Variants in PIP4K2A observed in about 807,000 individuals in gnomAD.
PIP4K2A encodes the protein phosphatidylinositol 5-phosphate 4-kinase type-2 alpha.
PIP4K2A carries 14 observed loss-of-function variants against 42.9 expected under a neutral mutation model. The ratio of observed to expected loss-of-function variants is 0.33; its 90% CI spans 0.22 to 0.51. PIP4K2A has a LOEUF of 0.51. Among genes scored for constraint, PIP4K2A ranks in the 20% least tolerant of loss-of-function variants. The probability of loss-of-function intolerance (pLI) is 0.97; values close to 1 mark genes in which losing one functional copy is unlikely to be tolerated. For missense variants in PIP4K2A, 434 were observed against 519.8 expected, an observed-to-expected ratio of 0.83 and a Z score of 1.61; for synonymous variants, 192 against 192.2, an observed-to-expected ratio of 1.00 and a Z score of 0.01.
chr10:22,699,147 G>T (rs1268138453), intron 1 of PIP4K2A, among the ~76,000 whole-genome samples: 1 of 152,158 alleles, frequency 6.6e-6, no homozygotes, highest in East Asian at 1.9e-4. Flanking sequence ...GTGCCAAAAA[G>T]AAAGTGCCTT....
At chr10:22,585,135 A>G (rs567773537) in intron 4 of PIP4K2A, among the ~76,000 whole-genome samples, 1 of 152,112 alleles carries the variant, frequency 6.6e-6, no homozygotes, top group Non-Finnish European at 1.5e-5. Context: ...TTTTGTATTT[A>G]GCTTTTATGG....
At chr10:22,684,685 C>T (rs1402324118) in intron 1 of PIP4K2A, among the ~76,000 whole-genome samples, 1 of 152,168 alleles carries the variant, frequency 6.6e-6, no homozygotes, top group Non-Finnish European at 1.5e-5. Context: ...CTATAGGATG[C>T]CACCCACTAA....
intron 1 of PIP4K2A, among the ~76,000 whole-genome samples, chr10:22,664,164 T>TATAC (rs148228205): frequency 4.4e-5 from 3 of 67,514 alleles, no homozygotes; most frequent in East Asian, 2.6e-4. Flanking sequence ...CATATATATA[T>TATAC]ATACATATAT....
intron 1 of PIP4K2A, among the ~76,000 whole-genome samples, chr10:22,698,331 A>G (rs1840010399): frequency 1.3e-5 from 2 of 152,242 alleles, no homozygotes; most frequent in South Asian, 4.1e-4. Context: ...GATGTGGGAA[A>G]GCAGCTCTTA....
At chr10:22,639,300 C>T (rs895083110) in intron 1 of PIP4K2A, among the ~76,000 whole-genome samples, 3 of 150,804 alleles carry the variant, frequency 2.0e-5, no homozygotes, top group African/African-American at 7.3e-5. Context: ...CTCAGAGAAA[C>T]ACCAGCTGAG....
intron 1 of PIP4K2A, among the ~76,000 whole-genome samples, chr10:22,633,138 C>T (rs550361841): frequency 2.6e-5 from 4 of 152,334 alleles, no homozygotes; most frequent in East Asian, 1.9e-4. Flanking sequence ...AGTGATGGCT[C>T]AAGGTCACAG....
At chr10:22,552,771 C>A (rs777127504) in intron 6 of PIP4K2A, among the ~76,000 whole-genome samples, 33 of 152,240 alleles carry the variant, frequency 2.2e-4, no homozygotes, top group Non-Finnish European at 3.7e-4. Flanking sequence ...TTGGGCATTT[C>A]TGTGTCATTA....
intron 3 of PIP4K2A, among the ~76,000 whole-genome samples, chr10:22,596,337 A>G (rs1240208683): frequency 6.6e-6 from 1 of 152,184 alleles, no homozygotes; most frequent in African/African-American, 2.4e-5. Context: ...AGAAGACAGT[A>G]CAACCATCAT....
chr10:22,693,435 C>T (rs1193359619), intron 1 of PIP4K2A, among the ~76,000 whole-genome samples: 1 of 152,120 alleles, frequency 6.6e-6, no homozygotes, highest in African/African-American at 2.4e-5. Context: ...TTGATTCACT[C>T]AGAAGGCAAC....
chr10:22,541,487 T>G (rs902454465), intron 8 of PIP4K2A, among the ~76,000 whole-genome samples: 2 of 151,758 alleles, frequency 1.3e-5, no homozygotes, highest in African/African-American at 4.9e-5. Flanking sequence ...ATGCATGTTG[T>G]GTTGTGTGTG....
chr10:22,543,838 A>G (rs931362425), intron 7 of PIP4K2A, among the ~76,000 whole-genome samples: 5 of 152,138 alleles, frequency 3.3e-5, no homozygotes, highest in Non-Finnish European at 4.4e-5. Context: ...TCCGCTATAC[A>G]TGGGCCTGTG....
chr10:22,634,464 A>C, intron 1 of PIP4K2A, among the ~76,000 whole-genome samples: 1 of 152,190 alleles, frequency 6.6e-6, no homozygotes, highest in East Asian at 1.9e-4. Flanking sequence ...GTTTTGGCCG[A>C]GTTCTTTGCA....
At chr10:22,695,361 T>C (rs1398173447) in intron 1 of PIP4K2A, among the ~76,000 whole-genome samples, 2 of 152,192 alleles carry the variant, frequency 1.3e-5, no homozygotes, top group African/African-American at 2.4e-5. Flanking sequence ...ACTGCTAAGA[T>C]GCAATAAAAA....
At chr10:22,581,863 C>T (rs1837289917) in intron 4 of PIP4K2A, among the ~76,000 whole-genome samples, 1 of 151,826 alleles carries the variant, frequency 6.6e-6, no homozygotes, top group South Asian at 2.1e-4. Context: ...CCTGTAATCC[C>T]AGCACTGGGA....
chr10:22,656,307 G>C (rs1839098936), intron 1 of PIP4K2A, among the ~76,000 whole-genome samples: 1 of 152,164 alleles, frequency 6.6e-6, no homozygotes, highest in Non-Finnish European at 1.5e-5. Context: ...TCCAGAAGTG[G>C]GAGAGGGGAA....
intron 1 of PIP4K2A, among the ~76,000 whole-genome samples, chr10:22,680,753 A>G (rs553295164): frequency 4.5e-4 from 69 of 152,324 alleles, no homozygotes; most frequent in African/African-American, 1.5e-3. Flanking sequence ...GACCCTACAC[A>G]TGTATTGAGG....
At chr10:22,566,090 T>C (rs1242856129) in intron 6 of PIP4K2A, among the ~76,000 whole-genome samples, 2 of 152,184 alleles carry the variant, frequency 1.3e-5, no homozygotes, top group Admixed American at 6.5e-5. Flanking sequence ...CTTGTGATAT[T>C]CTATTAACCA....
intron 1 of PIP4K2A, among the ~76,000 whole-genome samples, chr10:22,681,034 T>A (rs922765281): frequency 2.6e-5 from 4 of 152,168 alleles, no homozygotes; most frequent in African/African-American, 7.2e-5. Flanking sequence ...TTTCTGGAAG[T>A]AGCCCTTATC....
At chr10:22,583,842 G>A (rs991784565) in intron 4 of PIP4K2A, among the ~76,000 whole-genome samples, 1 of 152,220 alleles carries the variant, frequency 6.6e-6, no homozygotes, top group African/African-American at 2.4e-5. Context: ...TGTACGGTCT[G>A]CAGAAGGCCT....
Sources: allele counts gnomAD v4.1 joint callset (sites outside exome capture counted in the v4.1 genomes callset), GRCh38; gene constraint gnomAD v4.1.1; transcripts MANE v1.5; gene names NCBI Gene and HGNC (gene_info 2026-07-23, HGNC 2026-07-21).